Variants in TLL1 observed in about 807,000 individuals in gnomAD.
The protein encoded by TLL1 is tolloid like 1.
TLL1 carries 49 observed loss-of-function variants against 128.2 expected under a neutral mutation model. The observed-to-expected ratio is 0.38, with a 90% CI of 0.30 to 0.48. The LOEUF (loss-of-function observed/expected upper bound fraction) is 0.48. Ranked by LOEUF, TLL1 falls within the 20% of genes least tolerant of loss-of-function variation. The pLI is 0.96. For synonymous variants in TLL1, 454 were observed against 418.8 expected, an observed-to-expected ratio of 1.08 and a Z score of -1.03; for missense variants, 1,123 against 1,242.0, an observed-to-expected ratio of 0.90 and a Z score of 1.44.
chr4:166,071,974 T>G (rs1435223486), intron 16 of TLL1, among the ~76,000 whole-genome samples: 5 of 152,152 alleles, frequency 3.3e-5, no homozygotes, highest in East Asian at 1.9e-4. Context: ...CAAAATTTTT[T>G]TAGTCTGCAT....
intron 1 of TLL1, among the ~76,000 whole-genome samples, chr4:165,899,084 T>C (rs1731827162): frequency 6.6e-6 from 1 of 152,204 alleles, no homozygotes; most frequent in African/African-American, 2.4e-5. Context: ...ATCCCTTTTG[T>C]CATTTTTTTT....
chr4:165,980,740 T>C (rs574940341), intron 1 of TLL1, among the ~76,000 whole-genome samples: 1 of 152,236 alleles, frequency 6.6e-6, no homozygotes, highest in South Asian at 2.1e-4. Flanking sequence ...AAAATGGACT[T>C]TAAGTTGTTA....
intron 9 of TLL1, among the ~76,000 whole-genome samples, chr4:166,037,864 T>A (rs948468988): frequency 6.6e-6 from 1 of 152,086 alleles, no homozygotes; most frequent in Non-Finnish European, 1.5e-5. Flanking sequence ...TTTTAAAAAA[T>A]TCCACCCCTA....
At chr4:165,884,597 A>C (rs1014808551) in intron 1 of TLL1, among the ~76,000 whole-genome samples, 2 of 152,236 alleles carry the variant, frequency 1.3e-5, no homozygotes, top group South Asian at 4.1e-4. Flanking sequence ...ACACTTTGGG[A>C]GGCTGAGACA....
chr4:165,976,292 A>G (rs1465627561), intron 1 of TLL1, among the ~76,000 whole-genome samples: 3 of 152,164 alleles, frequency 2.0e-5, no homozygotes, highest in Non-Finnish European at 2.9e-5. Flanking sequence ...TTCTTTTATT[A>G]TATACAAGGA....
chr4:166,055,093 T>C lies in TLL1; in HGVS notation c.1542T>C (p.Asn514=), dbSNP rs191554936. The part of the protein sequence containing the change: ...FQSFEIERHD[N]CAYDYLEVRD... ...TGTTGCAGATTGAAAGACATGACAATTGTGCTTATGACTACCTGGAAGTTA... is the reference window on the plus strand; with the variant it reads ...TGTTGCAGATTGAAAGACATGACAACTGTGCTTATGACTACCTGGAAGTTA... Residue 514 remains asparagine (N), a synonymous_variant, in exon 13 of 21, where the codon AAT becomes AAC. Coordinates refer to ENST00000061240, the MANE Select transcript of TLL1 (RefSeq NM_012464.5). 6.2e-6 allele frequency: 10 copies of C among 1,611,248 alleles called. No homozygotes were observed. Among genetic ancestry groups the C allele is most frequent in the Admixed American group, 3.4e-5 (2 of 59,540 alleles).
intron 8 of TLL1, among the ~76,000 whole-genome samples, chr4:166,021,075 A>G (rs1466044665): frequency 6.6e-6 from 1 of 152,220 alleles, no homozygotes; most frequent in Non-Finnish European, 1.5e-5. Context: ...CACTTAATTT[A>G]GCGTTAAAAT....
chr4:166,081,774 T>C (rs970653576), intron 18 of TLL1, among the ~76,000 whole-genome samples: 9 of 152,142 alleles, frequency 5.9e-5, no homozygotes, highest in African/African-American at 2.2e-4. Flanking sequence ...ATCATGGCTT[T>C]TTCTTGTTGT....
At chr4:165,890,200 C>A (rs1731336286) in intron 1 of TLL1, among the ~76,000 whole-genome samples, 1 of 152,240 alleles carries the variant, frequency 6.6e-6, no homozygotes, top group Admixed American at 6.5e-5. Context: ...TCACCATGTC[C>A]CTCTCATGAC....
chr4:165,905,777 T>C (rs973731217), intron 1 of TLL1, among the ~76,000 whole-genome samples: 1 of 152,066 alleles, frequency 6.6e-6, no homozygotes, highest in Non-Finnish European at 1.5e-5. Flanking sequence ...GGATTAGGGG[T>C]TGAAGTGAAG....
intron 1 of TLL1, among the ~76,000 whole-genome samples, chr4:165,975,259 C>A (rs936901797): frequency 2.0e-5 from 3 of 152,078 alleles, no homozygotes; most frequent in Non-Finnish European, 4.4e-5. Context: ...GAGGTTGGAA[C>A]TGGGCAGACC....
intron 5 of TLL1, among the ~76,000 whole-genome samples, chr4:165,996,032 C>T: frequency 6.6e-6 from 1 of 152,060 alleles, no homozygotes; most frequent in Non-Finnish European, 1.5e-5. Flanking sequence ...CATTCACTAT[C>T]ACATCTTCAT....
intron 20 of TLL1, 130 bp from the exon 21 acceptor site, chr4:166,100,612 A>G (rs1404618712): frequency 1.6e-6 from 2 of 1,230,788 alleles, no homozygotes; most frequent in Admixed American, 1.7e-5. Context: ...GATTACACCT[A>G]CTCTCCAAGG....
chr4:165,944,153 A>C (rs546555917), intron 1 of TLL1, among the ~76,000 whole-genome samples: 1 of 152,272 alleles, frequency 6.6e-6, no homozygotes, highest in East Asian at 1.9e-4. Flanking sequence ...TACTGTATTA[A>C]AGTTATTTTT....
chr4:166,055,695 G>A (rs1188262851), intron 13 of TLL1, among the ~76,000 whole-genome samples: 1 of 152,050 alleles, frequency 6.6e-6, no homozygotes, highest in East Asian at 1.9e-4. Flanking sequence ...GACCTCCTTA[G>A]CAGAATATTC....
At chr4:165,882,708 T>C (rs1400792777) in intron 1 of TLL1, among the ~76,000 whole-genome samples, 1 of 152,078 alleles carries the variant, frequency 6.6e-6, no homozygotes, top group Non-Finnish European at 1.5e-5. Context: ...AACCTCCGCC[T>C]CCCAGGTTCA....
At chr4:165,882,700 C>T (rs936411306) in intron 1 of TLL1, among the ~76,000 whole-genome samples, 24 of 152,186 alleles carry the variant, frequency 1.6e-4, no homozygotes, top group Admixed American at 5.9e-4. Context: ...CTCACTGCAA[C>T]CTCCGCCTCC....
At chr4:165,971,161 AT>A (rs1278288934) in intron 1 of TLL1, among the ~76,000 whole-genome samples, 1 of 152,224 alleles carries the variant, frequency 6.6e-6, no homozygotes, top group Non-Finnish European at 1.5e-5. Flanking sequence ...CACAACAGGA[AT>A]TGGAATTCAT....
At chr4:165,948,908 T>C (rs1312130985) in intron 1 of TLL1, among the ~76,000 whole-genome samples, 1 of 152,154 alleles carries the variant, frequency 6.6e-6, no homozygotes, top group East Asian at 1.9e-4. Context: ...GACATAATTC[T>C]AAAGATATTT....
Sources: allele counts gnomAD v4.1 joint callset (sites outside exome capture counted in the v4.1 genomes callset), GRCh38; gene constraint gnomAD v4.1.1; transcripts MANE v1.5; gene names NCBI Gene and HGNC (gene_info 2026-07-23, HGNC 2026-07-21).